ARHGAP24: variants seen among roughly 807,000 people sequenced by gnomAD.
ARHGAP24 encodes Rho GTPase activating protein 24, also known as rho GTPase-activating protein 24.
ARHGAP24 carries 50 observed loss-of-function variants against 76.4 expected under a neutral mutation model. The observed-to-expected ratio is 0.65, with a 90% CI of 0.52 to 0.83. The LOEUF (loss-of-function observed/expected upper bound fraction) is 0.83. ARHGAP24 is among the 40% of genes least tolerant of loss of function. ARHGAP24 has a pLI of 0.00. For missense variants in ARHGAP24, 930 were observed against 914.2 expected, an observed-to-expected ratio of 1.02 and a Z score of -0.22; for synonymous variants, 345 against 323.3, an observed-to-expected ratio of 1.07 and a Z score of -0.72.
At chr4:85,839,101 C>T (rs941291313) in intron 3 of ARHGAP24, among the ~76,000 whole-genome samples, 3 of 152,142 alleles carry the variant, frequency 2.0e-5, no homozygotes, top group Non-Finnish European at 4.4e-5. Context: ...ACAACAATTA[C>T]AATGAACTAA....
chr4:85,878,101 A>T (rs1176216242), intron 3 of ARHGAP24, among the ~76,000 whole-genome samples: 1 of 152,198 alleles, frequency 6.6e-6, no homozygotes, highest in Non-Finnish European at 1.5e-5. Context: ...GATTGCAACT[A>T]CTAAAACAAG....
chr4:85,917,692 T>G (rs1264265600), intron 3 of ARHGAP24, among the ~76,000 whole-genome samples: 1 of 152,226 alleles, frequency 6.6e-6, no homozygotes, highest in Non-Finnish European at 1.5e-5. Context: ...ATGTGTTTTT[T>G]GGCTGCATAA....
At chr4:85,761,027 C>T (rs1267976851) in intron 3 of ARHGAP24, among the ~76,000 whole-genome samples, 1 of 152,094 alleles carries the variant, frequency 6.6e-6, no homozygotes, top group African/African-American at 2.4e-5. Context: ...GTAATGAGAC[C>T]TCTGCAGCCA....
intron 1 of ARHGAP24, among the ~76,000 whole-genome samples, chr4:85,513,123 T>C (rs559918088): frequency 6.6e-6 from 1 of 152,266 alleles, no homozygotes; most frequent in South Asian, 2.1e-4. Context: ...TAATAGCTGC[T>C]GGACCTCCAA....
At chr4:85,737,364 T>C (rs1725642796) in intron 3 of ARHGAP24, among the ~76,000 whole-genome samples, 1 of 152,196 alleles carries the variant, frequency 6.6e-6, no homozygotes, top group African/African-American at 2.4e-5. Context: ...TGCCATTTCA[T>C]TAGCAGTCTG....
Position 85,972,163 on chromosome 4 carries a change from G to A in ARHGAP24, c.727G>A (p.Glu243Lys). The A allele has an allele frequency of 1.2e-6, 2 of 1,613,520 alleles. No homozygotes were observed. The highest frequency in any genetic ancestry group is 1.3e-5 in the African/African-American group (1 of 74,978). ...SCAKLLSKEE[E>K]AGVKELAKQV... is the part of the protein sequence containing the mutation. ...TGCCAAACTGCTCAGCAAGGAAGAG[G>A]AAGCAGTAAGTTGATGCATTTATTT... Residue 243 changes from glutamate (E) to lysine (K), a missense_variant, in exon 6 of 10, where the codon GAA (glutamate) becomes AAA (lysine). Glu to Lys is a moderately conservative substitution (Grantham distance 56). Transcript: ENST00000395184.
intron 2 of ARHGAP24, among the ~76,000 whole-genome samples, chr4:85,652,429 A>G (rs1217536781): frequency 2.0e-5 from 3 of 152,206 alleles, no homozygotes; most frequent in South Asian, 2.1e-4. Flanking sequence ...TCATTAGAGT[A>G]TAAGTTAGGG....
Position 85,616,908 on chromosome 4 carries a change from G to A in ARHGAP24, c.180+46187G>A, listed in dbSNP as rs113665937. Among the ~76,000 whole-genome samples the A allele has an allele frequency of 8.4e-3, 1,277 of 152,188 alleles. 17 individuals carry two copies. The highest frequency in any genetic ancestry group is 0.029 in the African/African-American group (1,207 of 41,552). On this transcript the variant is annotated intron_variant, in intron 2 of 9. Coordinates refer to ENST00000395184, the MANE Select transcript of ARHGAP24 (RefSeq NM_001025616.3). Reference sequence around the variant, plus strand: ...CTCCCAAAGTCATGGGATTACAGACGTGAGCCGGCATGCCCAGCGGCTTCC... The same window carrying A: ...CTCCCAAAGTCATGGGATTACAGACATGAGCCGGCATGCCCAGCGGCTTCC...
intron 1 of ARHGAP24, among the ~76,000 whole-genome samples, chr4:85,552,062 G>C (rs1456345566): frequency 6.6e-6 from 1 of 152,022 alleles, no homozygotes; most frequent in East Asian, 1.9e-4. Context: ...TCTTCTGCTA[G>C]CTTTTGGGTT....
At chr4:85,875,861 C>T (rs1732901457) in intron 3 of ARHGAP24, among the ~76,000 whole-genome samples, 1 of 150,962 alleles carries the variant, frequency 6.6e-6, no homozygotes, top group Admixed American at 6.7e-5. Flanking sequence ...CCTGCTTCAG[C>T]CTCCCGAGTT....
chr4:85,864,910 A>G (rs1732108290), intron 3 of ARHGAP24, among the ~76,000 whole-genome samples: 1 of 152,136 alleles, frequency 6.6e-6, no homozygotes, highest in African/African-American at 2.4e-5. Flanking sequence ...AAATTATAAT[A>G]CCATCTTGAG....
intron 1 of ARHGAP24, among the ~76,000 whole-genome samples, chr4:85,484,128 C>T (rs1327132228): frequency 6.6e-6 from 1 of 152,152 alleles, no homozygotes; most frequent in African/African-American, 2.4e-5. Context: ...GCCATCTACT[C>T]ATAGTGCAGC....
At chr4:85,743,290 G>C (rs1460438668) in intron 3 of ARHGAP24, among the ~76,000 whole-genome samples, 1 of 149,912 alleles carries the variant, frequency 6.7e-6, no homozygotes, top group East Asian at 2.0e-4. Flanking sequence ...GAAAGACAAA[G>C]GGACTTCAAA....
At chr4:85,900,525 A>G (rs1252813119) in intron 3 of ARHGAP24, among the ~76,000 whole-genome samples, 1 of 151,044 alleles carries the variant, frequency 6.6e-6, no homozygotes, top group Non-Finnish European at 1.5e-5. Flanking sequence ...ATCTCGGCCC[A>G]TTGCAACCTC....
chr4:85,689,405 G>T (rs1341792232), intron 2 of ARHGAP24, among the ~76,000 whole-genome samples: 1 of 151,490 alleles, frequency 6.6e-6, no homozygotes, highest in African/African-American at 2.4e-5. Context: ...AATTTTTTTT[G>T]AAACAGAGTC....
intron 1 of ARHGAP24, among the ~76,000 whole-genome samples, chr4:85,511,128 A>G (rs1254264124): frequency 6.6e-6 from 1 of 152,254 alleles, no homozygotes; most frequent in East Asian, 1.9e-4. Flanking sequence ...GATAGAATTA[A>G]GCTATTTTAG....
chr4:85,872,367 G>C (rs528893982), intron 3 of ARHGAP24, among the ~76,000 whole-genome samples: 1 of 151,698 alleles, frequency 6.6e-6, no homozygotes, highest in Non-Finnish European at 1.5e-5. Context: ...CATGATCTTG[G>C]CTCACTGCAA....
chr4:85,765,883 A>C (rs532948415), intron 3 of ARHGAP24, among the ~76,000 whole-genome samples: 2 of 152,334 alleles, frequency 1.3e-5, no homozygotes, highest in Admixed American at 6.5e-5. Flanking sequence ...GCCGAGGAAC[A>C]ATAAATTTAC....
At chr4:85,564,959 TATATATATATAC>T (rs1160995672) in intron 1 of ARHGAP24, among the ~76,000 whole-genome samples, 2 of 118,950 alleles carry the variant, frequency 1.7e-5, no homozygotes, top group African/African-American at 7.2e-5. Flanking sequence ...TATATATATA[TATATATATATAC>T]CCACACCCAC....
Sources: gnomAD v4.1 joint callset for allele counts (sites outside exome capture counted in the v4.1 genomes callset) on GRCh38, gnomAD v4.1.1 for gene constraint, MANE v1.5 for transcripts, NCBI Gene and HGNC (gene_info 2026-07-23, HGNC 2026-07-21) for gene names.